Variants in DRC11 observed in about 807,000 individuals in gnomAD.
The protein encoded by DRC11 is IQ and AAA domain-containing protein 1.
At chr2:236,404,470 CA>C in the DRC11 span, among the ~76,000 whole-genome samples, 2 of 152,166 alleles carry the variant, frequency 1.3e-5, no homozygotes, top group Non-Finnish European at 1.5e-5. Context: ...CCCCATCGCT[CA>C]AAAGAGATTT....
chr2:236,459,689 A>ATACG, the DRC11 span, among the ~76,000 whole-genome samples: 6 of 129,072 alleles, frequency 4.6e-5, no homozygotes, highest in African/African-American at 1.4e-4. Flanking sequence ...ATGTATATAC[A>ATACG]TATATACATA....
chr2:236,358,052 T>C, the DRC11 span, among the ~76,000 whole-genome samples: 4 of 119,624 alleles, frequency 3.3e-5, no homozygotes, highest in Non-Finnish European at 6.3e-5. Context: ...AATATATAGA[T>C]ATATATTATA....
At chr2:236,411,218 A>G in the DRC11 span, among the ~76,000 whole-genome samples, 1 of 152,224 alleles carries the variant, frequency 6.6e-6, no homozygotes, top group East Asian at 1.9e-4. Flanking sequence ...AAACAACCCC[A>G]TCAAAAAGTC....
At chr2:236,384,748 T>A in the DRC11 span, among the ~76,000 whole-genome samples, 34 of 151,686 alleles carry the variant, frequency 2.2e-4, no homozygotes, top group South Asian at 6.5e-3. Context: ...GCCTATGTCC[T>A]GAATGGTAAT....
At chr2:236,434,615 TA>T in the DRC11 span, among the ~76,000 whole-genome samples, 1 of 152,210 alleles carries the variant, frequency 6.6e-6, no homozygotes, top group Non-Finnish European at 1.5e-5. This position sits in a 1 kb window ranked among gnomAD's most constrained non-coding sequence, Gnocchi z 5.5. Flanking sequence ...CTGTGATTTG[TA>T]ATCACCATGC....
the DRC11 span, among the ~76,000 whole-genome samples, chr2:236,310,185 T>C: frequency 7.7e-6 from 1 of 129,724 alleles, no homozygotes; most frequent in Non-Finnish European, 1.7e-5. This position sits in a 1 kb window ranked among gnomAD's most constrained non-coding sequence, Gnocchi z 5.5. Context: ...TTTGCCTTGG[T>C]TGACCTGGGA....
the DRC11 span, chr2:236,324,931 C>G: frequency 2.3e-4 from 135 of 590,946 alleles, no homozygotes; most frequent in Non-Finnish European, 3.5e-4. The surrounding 1 kb of genome is among the most constrained non-coding windows in gnomAD (Gnocchi z 5.7). Context: ...CAAGCTCTTT[C>G]TCAGTGGGTT....
chr2:236,424,778 A>C, the DRC11 span, among the ~76,000 whole-genome samples: 1 of 151,614 alleles, frequency 6.6e-6, no homozygotes, highest in Non-Finnish European at 1.5e-5. Context: ...TCTAATGGAA[A>C]CTCTGTACCC....
At chr2:236,373,797 T>A in the DRC11 span, among the ~76,000 whole-genome samples, 2,536 of 152,226 alleles carry the variant, frequency 0.017, 81 homozygotes, top group African/African-American at 0.058. Context: ...TCTTTATAGA[T>A]GTTAAAAATG....
At chr2:236,373,909 T>C in the DRC11 span, among the ~76,000 whole-genome samples, 3 of 152,216 alleles carry the variant, frequency 2.0e-5, no homozygotes, top group Admixed American at 2.0e-4. Context: ...CTGTTCAATT[T>C]TGATTTAATT....
chr2:236,456,710 T>A, the DRC11 span, among the ~76,000 whole-genome samples: 1 of 152,298 alleles, frequency 6.6e-6, no homozygotes, highest in African/African-American at 2.4e-5. This position sits in a 1 kb window ranked among gnomAD's most constrained non-coding sequence, Gnocchi z 5.4. Context: ...TGGCACCTGA[T>A]GGGAGTGGGG....
chr2:236,382,492 G>A, the DRC11 span, among the ~76,000 whole-genome samples: 1 of 152,066 alleles, frequency 6.6e-6, no homozygotes, highest in Non-Finnish European at 1.5e-5. Context: ...TTATATTTCT[G>A]GGATTTTGAT....
chr2:236,375,208 C>T, the DRC11 span, among the ~76,000 whole-genome samples: 39 of 152,244 alleles, frequency 2.6e-4, no homozygotes, highest in African/African-American at 6.7e-4. This position sits in a 1 kb window ranked among gnomAD's most constrained non-coding sequence, Gnocchi z 4.2. Flanking sequence ...CACTCTTAAA[C>T]GGCTGACTCC....
chr2:236,457,767 A>G, the DRC11 span, among the ~76,000 whole-genome samples: 2 of 152,202 alleles, frequency 1.3e-5, no homozygotes, highest in African/African-American at 4.8e-5. The surrounding 1 kb of genome is among the most constrained non-coding windows in gnomAD (Gnocchi z 4.7). Context: ...CCACAAGCCA[A>G]GGAATGCTGG....
At chr2:236,410,973 G>T in the DRC11 span, among the ~76,000 whole-genome samples, 1 of 146,002 alleles carries the variant, frequency 6.8e-6, no homozygotes, top group Non-Finnish European at 1.5e-5. Context: ...TACCATTCAG[G>T]ACATAGGCAT....
chr2:236,428,720 AATTC>A, the DRC11 span, among the ~76,000 whole-genome samples: 38 of 152,306 alleles, frequency 2.5e-4, no homozygotes, highest in African/African-American at 8.2e-4. Context: ...TGGAGAATTT[AATTC>A]ATTTACATTT....
chr2:236,488,269 A>G, the DRC11 span: 1 of 1,051,902 alleles, frequency 9.5e-7, no homozygotes, highest in Non-Finnish European at 1.3e-6. Flanking sequence ...TCACATGCTT[A>G]CTTCAAACAC....
chr2:236,493,449 C>T, the DRC11 span, among the ~76,000 whole-genome samples: 2 of 152,214 alleles, frequency 1.3e-5, no homozygotes, highest in South Asian at 4.1e-4. Context: ...ACATGAACAA[C>T]ATTTAGCTTC....
At chr2:236,443,975 A>G in the DRC11 span, among the ~76,000 whole-genome samples, 67 of 139,660 alleles carry the variant, frequency 4.8e-4, no homozygotes, top group African/African-American at 1.7e-3. The surrounding 1 kb of genome is among the most constrained non-coding windows in gnomAD (Gnocchi z 4.4). Flanking sequence ...TGTTGGCCAC[A>G]TGAATTTTTT....
Sources: allele counts gnomAD v4.1 joint callset (sites outside exome capture counted in the v4.1 genomes callset), GRCh38; gene constraint gnomAD v4.1.1; non-coding constraint Gnocchi (gnomAD v3.1); transcripts MANE v1.5; gene names NCBI Gene and HGNC (gene_info 2026-07-23, HGNC 2026-07-21).